The following POM121 variants were observed in gnomAD, a reference collection of about 807,000 sequenced individuals.
The protein encoded by POM121 is POM121 transmembrane nucleoporin, also known as nuclear envelope pore membrane protein POM 121.
Under a neutral mutation model 81.3 loss-of-function variants are expected in POM121, and 32 were observed. The observed-to-expected ratio is 0.39, with a 90% CI of 0.30 to 0.53. The LOEUF is 0.53. POM121 is among the 20% of genes least tolerant of loss of function. The probability of loss-of-function intolerance (pLI) is 0.66; values close to 1 mark genes in which losing one functional copy is unlikely to be tolerated. For missense variants in POM121, 1,138 were observed against 1,614.6 expected (o/e 0.70, Z 5.06); for synonymous variants, 514 against 694.2 (o/e 0.74, Z 4.08).
chr7:72,925,628 C>A lies in POM121; in HGVS notation c.507C>A (p.Arg169=). 1 of 1,299,530 alleles carries A rather than the reference C, an allele frequency of 7.7e-7. No individual in the cohort carries two copies. The highest frequency in any genetic ancestry group is 9.7e-7 in the Non-Finnish European group (1 of 1,033,144). 80.5% of individuals were successfully genotyped at this position (1,299,530 alleles called of 1,614,324 possible). A position where few individuals can be genotyped will look rare whatever the true frequency, so the allele number is the denominator to read the frequency against. The change falls in exon 1 of 13, where the codon CGC becomes CGA. Residue 169 remains arginine, a synonymous_variant. Transcript: ENST00000434423. ...GGCCTGGCCGCCGCCCACCTGCCCG[C>A]CCGGCGCCGCGCTCCCCACCGCCGC... ...RDRPGRRPPA[R]PAPRSPPPRS... is the part of the protein sequence containing the mutation.
chr7:72,879,985 C>T (rs1362832802), intron 1 of POM121: 2 of 388,014 alleles, frequency 5.2e-6, no homozygotes, highest in South Asian at 1.9e-5. Context: ...GTCCCGATTG[C>T]TTGCCGGAGA....
intron 3 of POM121, among the ~76,000 whole-genome samples, chr7:72,899,566 T>A (rs1792356243): frequency 6.6e-6 from 1 of 151,160 alleles, no homozygotes; most frequent in Non-Finnish European, 1.5e-5. Flanking sequence ...TCTGCCTGCT[T>A]GATATTACAT....
downstream of POM121, chr7:72,950,431 C>A (rs1797974400): frequency 5.5e-6 from 3 of 550,086 alleles, no homozygotes; most frequent in South Asian, 4.1e-5. Context: ...CAATCTCAAG[C>A]CCCACTGGCA....
chr7:72,926,086 A>T (rs1220591642), intron 1 of POM121, among the ~76,000 whole-genome samples, 176 bp from the exon 2 acceptor site: 78 of 152,216 alleles, frequency 5.1e-4, no homozygotes, highest in African/African-American at 1.8e-3. Flanking sequence ...AGCAGCTGTC[A>T]CTCTCTGGCC....
chr7:72,905,387 A>T (rs182764540), intron 3 of POM121, among the ~76,000 whole-genome samples: 1 of 152,066 alleles, frequency 6.6e-6, no homozygotes, highest in Non-Finnish European at 1.5e-5. Context: ...ATTTTGTATG[A>T]TTTCAGTTAT....
At chr7:72,949,153 T>C (rs1554504216), downstream of POM121, 1 of 1,318,210 alleles carries the variant, frequency 7.6e-7, no homozygotes, top group Admixed American at 1.7e-5. Context: ...GCCTCAGTCC[T>C]GAAATCCTCG....
At chr7:72,922,401 T>A (rs183847604), upstream of POM121, among the ~76,000 whole-genome samples, 1 of 152,106 alleles carries the variant, frequency 6.6e-6, no homozygotes, top group Non-Finnish European at 1.5e-5. Context: ...TAACTTTTTT[T>A]GGGGGGATGG....
intron 3 of POM121, among the ~76,000 whole-genome samples, chr7:72,892,207 C>T (rs1791366625): frequency 6.6e-6 from 1 of 152,214 alleles, no homozygotes; most frequent in Admixed American, 6.5e-5. Flanking sequence ...CTAATCTCAA[C>T]TTCTAAGACC....
intron 3 of POM121, among the ~76,000 whole-genome samples, chr7:72,898,817 A>T (rs1246629834): frequency 1.5e-4 from 23 of 149,554 alleles, no homozygotes; most frequent in African/African-American, 5.4e-4. Flanking sequence ...AAAAAAAAAA[A>T]TGCTGGAGTC....
chr7:72,916,203 T>C (rs1443338866), intron 4 of POM121, among the ~76,000 whole-genome samples: 1 of 152,262 alleles, frequency 6.6e-6, no homozygotes, highest in Non-Finnish European at 1.5e-5. Context: ...TTTTGGCTTT[T>C]GTTGCAATTG....
intron 3 of POM121, among the ~76,000 whole-genome samples, chr7:72,927,615 CAGG>C (rs1554497808): frequency 6.6e-6 from 1 of 151,740 alleles, no homozygotes; most frequent in African/African-American, 2.4e-5. Context: ...AAGGCTGAGA[CAGG>C]AGAATTGCTT....
At chr7:72,939,136 C>G (rs191124963) in intron 6 of POM121, among the ~76,000 whole-genome samples, 200 bp from the exon 7 acceptor site, 2 of 152,332 alleles carry the variant, frequency 1.3e-5, no homozygotes, top group Admixed American at 1.3e-4. Context: ...AAGACAAAAG[C>G]TGTCTTCATG....
rs1464714869 is a variant in POM121, at chr7:72,919,271, C to G, written c.-152+5443C>G. On this transcript the variant is annotated intron_variant, in intron 4 of 15. Transcript: ENST00000395270. Reference sequence around the variant, plus strand: ...GATGGGAGCTTGGAGCTGTCTTACTCTGCCCTTTTGCTGATATCATTCCTC... The same window carrying G: ...GATGGGAGCTTGGAGCTGTCTTACTGTGCCCTTTTGCTGATATCATTCCTC... Among the ~76,000 whole-genome samples, 49 of 144,456 alleles carry G rather than the reference C, an allele frequency of 3.4e-4. 1 individual carries two copies. The highest frequency in any genetic ancestry group is 7.5e-5 in the Non-Finnish European group (5 of 66,770). The allele number at this position is 144,456 out of a possible 152,430, so 94.8% of individuals were successfully genotyped here.
At chr7:72,910,772 C>G (rs1333192796) in intron 3 of POM121, among the ~76,000 whole-genome samples, 1 of 151,830 alleles carries the variant, frequency 6.6e-6, no homozygotes, top group Non-Finnish European at 1.5e-5. Flanking sequence ...TCATTTGGCT[C>G]GAAAGATGAG....
At chr7:72,900,898 GTT>G (rs575276581) in intron 3 of POM121, among the ~76,000 whole-genome samples, 1 of 143,488 alleles carries the variant, frequency 7.0e-6, no homozygotes, top group African/African-American at 2.5e-5. Context: ...AGATTCTTAA[GTT>G]TTTTTTTTTT....
At chr7:72,893,544 G>A (rs1167099837) in intron 3 of POM121, among the ~76,000 whole-genome samples, 7 of 152,158 alleles carry the variant, frequency 4.6e-5, no homozygotes, top group African/African-American at 1.2e-4. Flanking sequence ...AGATCACACC[G>A]CTGCACTCCA....
chr7:72,932,557 T>C (rs1417163485), intron 5 of POM121, among the ~76,000 whole-genome samples: 1 of 152,242 alleles, frequency 6.6e-6, no homozygotes, highest in African/African-American at 2.4e-5. Context: ...CAATTTTGCC[T>C]CTGGAAAGTT....
Position 72,943,471 on chromosome 7 carries a change from C to G in POM121, c.3478C>G (p.Pro1160Ala). ...NALGTTGQST[P>A]FAFNVSSTTE... ...CCTGGGCACCACCGGCCAGAGCACA[C>G]CGTTTGCCTTCAACGTGAGCAGCAC... The change falls in exon 11 of 13, where the codon CCG becomes GCG. Residue 1160 changes from proline to alanine, a missense_variant. Pro to Ala is a conservative substitution (Grantham distance 27). Around this residue, in one of 7 missense-constraint regions of POM121, gnomAD observed 336 missense variants for 344.3 expected, o/e 0.98. Coordinates refer to ENST00000434423, the MANE Select transcript of POM121 (RefSeq NM_001387691.1). 6.2e-7 allele frequency: 1 copy of G among 1,612,814 alleles called. No homozygotes were observed.
At chr7:72,903,995 G>A (rs1792976388) in intron 3 of POM121, among the ~76,000 whole-genome samples, 1 of 152,146 alleles carries the variant, frequency 6.6e-6, no homozygotes, top group African/African-American at 2.4e-5. Flanking sequence ...TAGAGACGGG[G>A]GTTTCACCAT....
Sources: allele counts gnomAD v4.1 joint callset (sites outside exome capture counted in the v4.1 genomes callset), GRCh38; gene constraint gnomAD v4.1.1; regional missense constraint gnomAD v4.1.1; transcripts MANE v1.5; gene names NCBI Gene and HGNC (gene_info 2026-07-23, HGNC 2026-07-21).